Variants in FBXO43 observed in about 807,000 individuals in gnomAD.
FBXO43 encodes F-box only protein 43.
FBXO43 carries 22 observed loss-of-function variants against 56.7 expected under a neutral mutation model. The ratio of observed to expected loss-of-function variants is 0.39; its 90% CI spans 0.28 to 0.55. The LOEUF (loss-of-function observed/expected upper bound fraction) is 0.55. Ranked by LOEUF, FBXO43 falls within the 20% of genes least tolerant of loss-of-function variation. The pLI is 0.66. For synonymous variants in FBXO43, 306 were observed against 294.5 expected (o/e 1.04, Z -0.40); for missense variants, 733 against 814.9 (o/e 0.90, Z 1.22).
At chr8:100,146,586 C>T (rs1455786471), upstream of FBXO43, among the ~76,000 whole-genome samples, 1 of 152,188 alleles carries the variant, frequency 6.6e-6, no homozygotes, top group Non-Finnish European at 1.5e-5. Context: ...TAAATATTTA[C>T]TGGGCGTCTA....
intron 1 of FBXO43, among the ~76,000 whole-genome samples, chr8:100,143,227 G>T (rs1362806358): frequency 2.6e-5 from 4 of 152,186 alleles, no homozygotes; most frequent in Non-Finnish European, 4.4e-5. Context: ...AGGACATGAA[G>T]AAGACTGTCA....
At chr8:100,150,231 A>G (rs1814894473), upstream of FBXO43, among the ~76,000 whole-genome samples, 1 of 152,194 alleles carries the variant, frequency 6.6e-6, no homozygotes, top group Admixed American at 6.5e-5. Context: ...ATATCAAACA[A>G]TTTTTAAAAA....
At chr8:100,146,296 T>G (rs1814830080), upstream of FBXO43, among the ~76,000 whole-genome samples, 1 of 152,170 alleles carries the variant, frequency 6.6e-6, no homozygotes, top group African/African-American at 2.4e-5. Flanking sequence ...CAACAATGAA[T>G]ATATACAGAT....
rs533030006 is a variant in FBXO43, at chr8:100,142,274, T to C, written c.86-106A>G. The C allele has an allele frequency of 5.6e-6, 6 of 1,062,582 alleles. No homozygotes were observed. The East Asian group carries it at 1.4e-4, about 25-fold the overall frequency. 65.8% of individuals were successfully genotyped at this position (1,062,582 alleles called of 1,614,324 possible). ...GTACAGATAATAATGGAAAATTGTA[T>C]GACAATTTTTGAAAAGTTACTTTAA... is the stretch of plus-strand genomic sequence containing the variant. On this transcript the variant is annotated intron_variant, in intron 1 of 4. Transcript: ENST00000428847.
upstream of FBXO43, among the ~76,000 whole-genome samples, chr8:100,146,865 T>C (rs970246359): frequency 6.6e-6 from 1 of 152,234 alleles, no homozygotes; most frequent in African/African-American, 2.4e-5. Context: ...AAAATTATTA[T>C]GAGACAGGGT....
Position 100,140,368 on chromosome 8 carries a change from G to A in FBXO43, c.1571+315C>T, listed in dbSNP as rs1814599113. On this transcript the variant is annotated intron_variant, in intron 2 of 4. Transcript: ENST00000428847. ...GCCTGTAGTCCCAGCTACTTGGGAG[G>A]CTGAGGCAGGAGAATGGCGTGAACC... Among the ~76,000 whole-genome samples the A allele has an allele frequency of 2.6e-5, 4 of 152,208 alleles. No individual in the cohort carries two copies. The South Asian group carries it at 8.3e-4, about 32-fold the overall frequency.
chr8:100,133,847 A>G lies in FBXO43; in HGVS notation c.2082T>C (p.Ala694=), dbSNP rs370973767. The change falls in exon 5 of 5, where the codon GCT becomes GCC. Residue 694 remains alanine (A), a synonymous_variant. Coordinates refer to ENST00000428847, the MANE Select transcript of FBXO43 (RefSeq NM_001029860.4). ...GCTTACTCTGGGCACTTCCTGGGAGAGCATCTTTTCTATTTCTTGGCTTTG... is the reference window on the plus strand; with the variant it reads ...GCTTACTCTGGGCACTTCCTGGGAGGGCATCTTTTCTATTTCTTGGCTTTG... ...GAAKPRNRKD[A]LPGSAQSKRN... The G allele has an allele frequency of 5.7e-5, 92 of 1,613,948 alleles. No homozygotes were observed. Among genetic ancestry groups the G allele is most frequent in the Non-Finnish European group, 7.3e-5 (86 of 1,180,004 alleles).
Position 100,141,422 on chromosome 8 carries a change from C to T in FBXO43, c.832G>A (p.Ala278Thr). 6.2e-7 allele frequency: 1 copy of T among 1,613,406 alleles called. No individual in the cohort carries two copies. Among genetic ancestry groups the T allele is most frequent in the Non-Finnish European group, 8.5e-7 (1 of 1,179,980 alleles). ...GAGGAGCCCAGGAGCTCTGGACATG[C>T]ATTCTCATCATTAATGCATAAACTG... ...DSSLCINDEN[A>T]CPELLGSSVS... is the part of the protein sequence containing the mutation. The change falls in exon 2 of 5, where the codon GCA (alanine) becomes ACA (threonine). Residue 278 changes from alanine to threonine, a missense_variant. Coordinates refer to ENST00000428847, the MANE Select transcript of FBXO43 (RefSeq NM_001029860.4).
rs754860127 is a variant in FBXO43 at position 100,134,331 on chromosome 8, G to C, written c.1708C>G (p.Arg570Gly). 3.1e-6 allele frequency: 5 copies of C among 1,613,792 alleles called. No homozygotes were observed. Among genetic ancestry groups the C allele is most frequent in the South Asian group, 1.1e-5 (1 of 91,050 alleles). The part of the protein sequence containing the change: ...AVLNVEDAAT[R>G]LQLLNRSALR... ...GCTGAGCGATTTAAAAGCTGGAGCC[G>C]AGTGGCAGCATCCTCGACATTTAAT... The change falls in exon 4 of 5, where the codon CGG (arginine) becomes GGG (glycine). Residue 570 changes from arginine to glycine, a missense_variant. Physicochemically the swap from Arg to Gly is moderately radical, Grantham distance 125 (BLOSUM62 -2). Coordinates refer to ENST00000428847, the MANE Select transcript of FBXO43 (RefSeq NM_001029860.4).
chr8:100,134,471 G>A (rs192747525), intron 3 of FBXO43, 107 bp from the exon 4 acceptor site: 18 of 900,146 alleles, frequency 2.0e-5, no homozygotes, highest in East Asian at 7.7e-5. Context: ...TTTGCCATCC[G>A]AATTCTCTCC....
At chr8:100,143,066 T>C (rs772351678) in intron 1 of FBXO43, among the ~76,000 whole-genome samples, 1 of 152,238 alleles carries the variant, frequency 6.6e-6, no homozygotes, top group East Asian at 1.9e-4. Flanking sequence ...AGAAATATTT[T>C]ACTCCTTAAA....
rs776296596 is a variant in FBXO43, at chr8:100,141,990, A to G, written c.264T>C (p.Asn88=). 1.2e-6 allele frequency: 2 copies of G among 1,611,350 alleles called. No individual in the cohort carries two copies. Among genetic ancestry groups the G allele is most frequent in the Non-Finnish European group, 1.7e-6 (2 of 1,179,276 alleles). The change falls in exon 2 of 5, where the codon AAT becomes AAC. Residue 88 remains asparagine (N), a synonymous_variant. Transcript: ENST00000428847. ...TCTTTCCAAGATATTCTTTATCTAT[A>G]TTATCAAAGCTACAAGATTTTAACT... The part of the protein sequence containing the change: ...YNELKSCSFD[N]IDKEYLGKKE...
Position 100,140,757 on chromosome 8 carries a change from T to C in FBXO43, c.1497A>G (p.Thr499=). ...KMGIEKLDIL[T]ELKYRNLKHI... is the part of the protein sequence containing the mutation. ...GCTTTAAATTTCTATATTTTAATTC[T>C]GTTAAGATGTCCAGTTTTTCTATAC... The change falls in exon 2 of 5, where the codon ACA becomes ACG. Residue 499 remains threonine, a synonymous_variant. Coordinates refer to ENST00000428847, the MANE Select transcript of FBXO43 (RefSeq NM_001029860.4). 1 of 1,613,820 alleles carries C rather than the reference T, an allele frequency of 6.2e-7. No individual in the cohort carries two copies. The highest frequency in any genetic ancestry group is 1.6e-4 in the Middle Eastern group (1 of 6,062).
At position 100,142,186 on chromosome 8, in the gene FBXO43, A is replaced by G; in HGVS notation, c.86-18T>C. On this transcript the variant is annotated intron_variant, in intron 1 of 4. Coordinates refer to ENST00000428847, the MANE Select transcript of FBXO43 (RefSeq NM_001029860.4). ...CTCTGTTTCTGCAAAGTGACAACAA[A>G]GTTATTCTGCCTTTGAAATGAGTAT... 6.6e-7 allele frequency: 1 copy of G among 1,522,800 alleles called. No individual in the cohort carries two copies. Among genetic ancestry groups the G allele is most frequent in the South Asian group, 1.4e-5 (1 of 72,120 alleles). The allele number at this position is 1,522,800 out of a possible 1,614,324, so 94.3% of individuals were successfully genotyped here.
At chr8:100,149,564 C>T (rs775860005), upstream of FBXO43, among the ~76,000 whole-genome samples, 2 of 152,178 alleles carry the variant, frequency 1.3e-5, no homozygotes, top group Non-Finnish European at 2.9e-5. Context: ...CCAGGAACTG[C>T]TGCGTTTTCC....
intron 3 of FBXO43, among the ~76,000 whole-genome samples, chr8:100,136,373 A>G (rs925250094): frequency 1.3e-4 from 20 of 152,358 alleles, no homozygotes; most frequent in Middle Eastern, 6.8e-3. Context: ...TTAGAAATTT[A>G]CTTATAGTAT....
At chr8:100,135,297 A>T (rs1185306716) in intron 3 of FBXO43, among the ~76,000 whole-genome samples, 1 of 152,210 alleles carries the variant, frequency 6.6e-6, no homozygotes, top group African/African-American at 2.4e-5. Context: ...GTGAGAGGTT[A>T]GAGAACCTAA....
chr8:100,146,148 A>C (rs1814827498), upstream of FBXO43, among the ~76,000 whole-genome samples: 2 of 152,258 alleles, frequency 1.3e-5, no homozygotes, highest in South Asian at 4.1e-4. Context: ...GCAAGTTACA[A>C]ACTGACCCCT....
chr8:100,141,280 C>G lies in FBXO43; in HGVS notation c.974G>C (p.Arg325Thr). 3.7e-6 allele frequency: 6 copies of G among 1,614,162 alleles called. No individual in the cohort carries two copies. The highest frequency in any genetic ancestry group is 5.1e-6 in the Non-Finnish European group (6 of 1,180,046). The change falls in exon 2 of 5, where the codon AGA (arginine) becomes ACA (threonine). Residue 325 changes from arginine (R) to threonine (T), a missense_variant. Arg to Thr is a moderately conservative substitution (Grantham distance 71, BLOSUM62 -1). Coordinates refer to ENST00000428847, the MANE Select transcript of FBXO43 (RefSeq NM_001029860.4). ...GTCTTCAGGCGTTGAAATACTGCCT[C>G]TCACTTCAGGTGAAGGAGAAAGTAT... ...SQILSPSPEV[R>T]GSISTPEDSG...
Sources: allele counts gnomAD v4.1 joint callset (sites outside exome capture counted in the v4.1 genomes callset), GRCh38; gene constraint gnomAD v4.1.1; transcripts MANE v1.5; gene names NCBI Gene and HGNC (gene_info 2026-07-23, HGNC 2026-07-21).